The following MAMDC2 variants were observed in gnomAD, a reference collection of about 807,000 sequenced individuals.
The protein encoded by MAMDC2 is MAM domain containing 2, also known as MAM domain-containing protein 2.
A neutral mutation model predicts 89.8 loss-of-function variants in MAMDC2; 57 were observed. That is an observed-to-expected ratio of 0.63 (90% confidence interval 0.51 to 0.79). The LOEUF (loss-of-function observed/expected upper bound fraction) is 0.79, where lower values mean the gene tolerates loss of function less well. MAMDC2 is among the 30% of genes least tolerant of loss of function. The probability of loss-of-function intolerance (pLI) is 0.00; values close to 1 mark genes in which losing one functional copy is unlikely to be tolerated. For missense variants in MAMDC2, 800 were observed against 820.6 expected, an observed-to-expected ratio of 0.97 and a Z score of 0.31; for synonymous variants, 313 against 293.4, an observed-to-expected ratio of 1.07 and a Z score of -0.68.
intron 11 of MAMDC2, among the ~76,000 whole-genome samples, chr9:70,207,032 A>T (rs986452076): frequency 4.6e-5 from 7 of 152,200 alleles, no homozygotes; most frequent in East Asian, 1.9e-4. Flanking sequence ...TCTATCATTG[A>T]TGGACATTTG....
chr9:70,170,583 A>G lies in MAMDC2; in HGVS notation c.1603A>G (p.Thr535Ala), dbSNP rs2032310669. 1.2e-6 allele frequency: 2 copies of G among 1,612,272 alleles called. No homozygotes were observed. The highest frequency in any genetic ancestry group is 3.3e-5 in the Admixed American group (2 of 59,870). ...CAGCTGGCACAGGAGGAGGGGAGAA[A>G]CTCCCACTTCCTACACAGGACCAAA... Reference protein sequence around the residue: ...RSSWHRRRGETPTSYTGPKGD... With the variant: ...RSSWHRRRGEAPTSYTGPKGD... The change falls in exon 11 of 14, where the codon ACT becomes GCT. Residue 535 changes from threonine (T) to alanine (A), a missense_variant. By Grantham distance (58) the Thr-to-Ala change is moderately conservative (BLOSUM62 0). Coordinates refer to ENST00000377182, the MANE Select transcript of MAMDC2 (RefSeq NM_153267.5).
At chr9:70,098,282 G>A (rs1828078116) in intron 2 of MAMDC2, among the ~76,000 whole-genome samples, 1 of 152,086 alleles carries the variant, frequency 6.6e-6, no homozygotes. Context: ...CCACCCTTTG[G>A]CAGGATTTAC....
intron 9 of MAMDC2, among the ~76,000 whole-genome samples, chr9:70,150,876 C>T (rs1312555003): frequency 6.6e-6 from 1 of 152,188 alleles, no homozygotes; most frequent in African/African-American, 2.4e-5. Flanking sequence ...CAGCCAGAAT[C>T]ATTTCTTTGA....
intron 2 of MAMDC2, among the ~76,000 whole-genome samples, chr9:70,096,668 T>C (rs1369665019): frequency 6.6e-6 from 1 of 152,026 alleles, no homozygotes; most frequent in Non-Finnish European, 1.5e-5. Context: ...GAATGGATAT[T>C]AGGGAGGCAA....
chr9:70,128,812 A>G (rs2030674549), intron 6 of MAMDC2, among the ~76,000 whole-genome samples: 1 of 152,038 alleles, frequency 6.6e-6, no homozygotes, highest in African/African-American at 2.4e-5. Flanking sequence ...ATGTGCCACC[A>G]CACCCAGCTA....
chr9:70,125,191 A>G (rs1563965081), intron 5 of MAMDC2, among the ~76,000 whole-genome samples: 1 of 152,380 alleles, frequency 6.6e-6, no homozygotes, highest in East Asian at 1.9e-4. Flanking sequence ...TATACAAAAC[A>G]GGCTATAGGG....
At chr9:70,059,488 C>T (rs1232738718) in intron 2 of MAMDC2, among the ~76,000 whole-genome samples, 3 of 152,150 alleles carry the variant, frequency 2.0e-5, no homozygotes, top group Non-Finnish European at 2.9e-5. Context: ...TCATGACCCC[C>T]TCCCCTCTTT....
chr9:70,135,569 T>C (rs2030974174), intron 7 of MAMDC2, among the ~76,000 whole-genome samples: 1 of 152,210 alleles, frequency 6.6e-6, no homozygotes, highest in Admixed American at 6.5e-5. Context: ...AAAAATATTT[T>C]CTGTATGACT....
chr9:70,065,375 G>A (rs1295763758), intron 2 of MAMDC2, among the ~76,000 whole-genome samples: 1 of 151,992 alleles, frequency 6.6e-6, no homozygotes, highest in Non-Finnish European at 1.5e-5. Flanking sequence ...CAAGAGTTTT[G>A]ATGACTACTA....
At chr9:70,197,899 T>G (rs1035215899) in intron 11 of MAMDC2, among the ~76,000 whole-genome samples, 1 of 152,080 alleles carries the variant, frequency 6.6e-6, no homozygotes, top group Non-Finnish European at 1.5e-5. Flanking sequence ...AACGCTACTT[T>G]ACAATGCCTG....
intron 11 of MAMDC2, among the ~76,000 whole-genome samples, chr9:70,207,093 T>C (rs2033242516): frequency 6.6e-6 from 1 of 152,250 alleles, no homozygotes; most frequent in Non-Finnish European, 1.5e-5. Context: ...TAAACATACA[T>C]ATGCAGGTGT....
At chr9:70,210,898 T>C (rs2033341914) in intron 11 of MAMDC2, among the ~76,000 whole-genome samples, 1 of 152,260 alleles carries the variant, frequency 6.6e-6, no homozygotes, top group Admixed American at 6.5e-5. Flanking sequence ...AAGCTTAGTT[T>C]GGCTGGATAT....
intron 11 of MAMDC2, among the ~76,000 whole-genome samples, chr9:70,199,107 A>G (rs980745477): frequency 6.0e-5 from 9 of 150,388 alleles, no homozygotes; most frequent in African/African-American, 2.2e-4. Context: ...TGCACATTGT[A>G]CAGGTTAGTT....
intron 5 of MAMDC2, among the ~76,000 whole-genome samples, chr9:70,114,579 A>G (rs751091451): frequency 7.2e-5 from 11 of 152,126 alleles, no homozygotes; most frequent in Non-Finnish European, 1.3e-4. Flanking sequence ...TAAGCTCTTT[A>G]TAAGTAACCA....
intron 2 of MAMDC2, among the ~76,000 whole-genome samples, chr9:70,057,950 T>G (rs1827062033): frequency 6.6e-6 from 1 of 152,222 alleles, no homozygotes; most frequent in African/African-American, 2.4e-5. Context: ...CTGGAATGTT[T>G]TATTTCAGTA....
intron 11 of MAMDC2, among the ~76,000 whole-genome samples, chr9:70,176,662 C>T (rs1172682585): frequency 1.3e-5 from 2 of 152,152 alleles, no homozygotes; most frequent in Non-Finnish European, 2.9e-5. Context: ...TCTCAAGACA[C>T]CTTCCACTTT....
At chr9:70,131,032 T>C (rs535766178) in intron 6 of MAMDC2, among the ~76,000 whole-genome samples, 25 of 152,268 alleles carry the variant, frequency 1.6e-4, no homozygotes, top group Admixed American at 8.5e-4. Context: ...ACAACAGAAA[T>C]GTATTTCTTA....
chr9:70,212,830 C>A (rs1169173464), intron 11 of MAMDC2, among the ~76,000 whole-genome samples: 2 of 152,164 alleles, frequency 1.3e-5, no homozygotes, highest in Non-Finnish European at 2.9e-5. Context: ...CAGCCTGATA[C>A]CTGTGGCCCA....
chr9:70,068,588 G>A lies in MAMDC2; in HGVS notation c.148+23891G>A, dbSNP rs187223155. 3.2e-3 allele frequency among the ~76,000 whole-genome samples: 487 copies of A among 152,012 alleles called. 3 individuals are homozygous for A. Among genetic ancestry groups the A allele is most frequent in the Non-Finnish European group, 5.3e-3 (360 of 67,968 alleles). ...AACAACAACAACAAATTAGCCGGGCGTGGTGGCAGGCACCTGTAATCCTAG... is the reference window on the plus strand; with the variant it reads ...AACAACAACAACAAATTAGCCGGGCATGGTGGCAGGCACCTGTAATCCTAG... On this transcript the variant is annotated intron_variant, in intron 2 of 13. Coordinates refer to ENST00000377182, the MANE Select transcript of MAMDC2 (RefSeq NM_153267.5).
Sources: gnomAD v4.1 joint callset for allele counts (sites outside exome capture counted in the v4.1 genomes callset) on GRCh38, gnomAD v4.1.1 for gene constraint, MANE v1.5 for transcripts, NCBI Gene and HGNC (gene_info 2026-07-23, HGNC 2026-07-21) for gene names.